Variants in CELF2 observed in about 807,000 individuals in gnomAD.
CELF2 encodes the protein CUGBP Elav-like family member 2.
A neutral mutation model predicts 62.6 loss-of-function variants in CELF2; 8 were observed. The ratio of observed to expected loss-of-function variants is 0.13; its 90% confidence interval spans 0.07 to 0.23. CELF2 has a LOEUF of 0.23. CELF2 is among the 10% of genes least tolerant of loss of function. CELF2 has a pLI of 1.00. For missense variants in CELF2, 333 were observed against 671.0 expected, an observed-to-expected ratio of 0.50 and a Z score of 5.56; for synonymous variants, 258 against 250.0, an observed-to-expected ratio of 1.03 and a Z score of -0.30.
At position 11,195,303 on chromosome 10, in the gene CELF2, A is replaced by G. The variant is rs75175448; in HGVS notation, c.272-22122A>G. Among the ~76,000 whole-genome samples, 1,128 of 152,366 alleles carry G rather than the reference A, an allele frequency of 7.4e-3. 14 individuals carry two copies. The highest frequency in any genetic ancestry group is 0.026 in the African/African-American group (1,069 of 41,586). ...TCTGCACCAAGGAGAACAGAAACAC[A>G]GCAGGCACCAAGAGGAGGTTTAGTG... is the stretch of plus-strand genomic sequence containing the variant. On this transcript the variant is annotated intron_variant, in intron 2 of 12. Transcript: ENST00000633077.
chr10:10,664,536 G>C, the CELF2 span, among the ~76,000 whole-genome samples: 1 of 152,148 alleles, frequency 6.6e-6, no homozygotes, highest in Non-Finnish European at 1.5e-5. Context: ...AAAGAGAAAA[G>C]GTGAAAGTAG....
Position 11,314,054 on chromosome 10 carries a change from T to G in CELF2, c.977-85T>G, listed in dbSNP as rs2140544541. On this transcript the variant is annotated intron_variant, in intron 9 of 12. Transcript: ENST00000633077. This position sits in a 1 kb window ranked among gnomAD's most constrained non-coding sequence, Gnocchi z 5.3. ...AGCACAGCTCCTCAGCTCCGTCCAC[T>G]GAGATGATGACAGAAGGATTTCCAG... 3.5e-5 allele frequency: 48 copies of G among 1,366,192 alleles called. No individual in the cohort carries two copies. Among genetic ancestry groups the G allele is most frequent in the Middle Eastern group, 2.6e-4 (1 of 3,826 alleles). The allele number at this position is 1,366,192 out of a possible 1,614,324, so 84.6% of individuals were successfully genotyped here.
chr10:10,657,936 A>ACTT, the CELF2 span, among the ~76,000 whole-genome samples: 1 of 152,206 alleles, frequency 6.6e-6, no homozygotes, highest in Non-Finnish European at 1.5e-5. Context: ...CCTGTTATTA[A>ACTT]CTTTTACTTT....
chr10:11,262,740 AG>A (rs1277756454), intron 5 of CELF2, among the ~76,000 whole-genome samples: 3 of 152,196 alleles, frequency 2.0e-5, no homozygotes, highest in African/African-American at 7.2e-5. Flanking sequence ...AAAAGATACA[AG>A]GAAGATTGAC....
At chr10:10,775,908 C>T in the CELF2 span, among the ~76,000 whole-genome samples, 19 of 152,218 alleles carry the variant, frequency 1.2e-4, no homozygotes, top group Non-Finnish European at 2.5e-4. Flanking sequence ...GTCCTAGTTT[C>T]TTACAAATCC....
chr10:10,730,772 GCA>G, the CELF2 span, among the ~76,000 whole-genome samples: 4 of 152,164 alleles, frequency 2.6e-5, no homozygotes, highest in South Asian at 6.2e-4. Context: ...GTGAAGGGAA[GCA>G]CCCAGGTCAC....
chr10:10,659,412 T>C, the CELF2 span, among the ~76,000 whole-genome samples: 7 of 152,340 alleles, frequency 4.6e-5, no homozygotes, highest in South Asian at 1.0e-3. Flanking sequence ...ATGAGTGTCA[T>C]GTAGGTTATT....
At chr10:11,126,315 C>T (rs773743819) in intron 1 of CELF2, among the ~76,000 whole-genome samples, 1 of 152,188 alleles carries the variant, frequency 6.6e-6, no homozygotes, top group Non-Finnish European at 1.5e-5. Context: ...CATGTCTACT[C>T]ACATTTCAGG....
intron 11 of CELF2, among the ~76,000 whole-genome samples, chr10:11,325,484 C>T (rs10905930): frequency 0.43 from 64,936 of 152,050 alleles, 14,089 homozygotes; most frequent in Middle Eastern, 0.5. Flanking sequence ...TGAGAAAATA[C>T]GGCCACCCAA....
the CELF2 span, among the ~76,000 whole-genome samples, chr10:10,764,259 A>C: frequency 1.3e-5 from 2 of 152,246 alleles, no homozygotes; most frequent in African/African-American, 4.8e-5. Context: ...TGTCCTTTAA[A>C]AATTTCCAAT....
chr10:11,257,672 T>C lies in CELF2; in HGVS notation c.404-66T>C. On this transcript the variant is annotated intron_variant, in intron 4 of 12. Transcript: ENST00000633077. ...GCTGGGGCCTGGTTTGATGGGGTAA[T>C]GAAGCATTGATTACAAGAAAAAAAG... The C allele has an allele frequency of 2.5e-6, 4 of 1,573,028 alleles. No homozygotes were observed. In the South Asian group the frequency reaches 4.6e-5, roughly 18 times the overall value.
chr10:11,002,268 GA>G (rs1003242060), upstream of CELF2, among the ~76,000 whole-genome samples: 2 of 152,170 alleles, frequency 1.3e-5, no homozygotes, highest in African/African-American at 4.8e-5. The surrounding 1 kb of genome is among the most constrained non-coding windows in gnomAD (Gnocchi z 4.4). Flanking sequence ...ACAGAATGGG[GA>G]AAACCGCCCC....
the CELF2 span, among the ~76,000 whole-genome samples, chr10:10,537,858 CAG>C: frequency 6.6e-6 from 1 of 152,086 alleles, no homozygotes; most frequent in Non-Finnish European, 1.5e-5. Context: ...AGGGAAAAGA[CAG>C]ACCTGACAGA....
At chr10:10,671,324 T>C in the CELF2 span, among the ~76,000 whole-genome samples, 16 of 152,196 alleles carry the variant, frequency 1.1e-4, no homozygotes, top group African/African-American at 3.9e-4. Flanking sequence ...TCTCACAGTT[T>C]ATTTATCCAT....
intron 2 of CELF2, among the ~76,000 whole-genome samples, chr10:11,181,146 A>G (rs904873902): frequency 6.6e-6 from 1 of 152,236 alleles, no homozygotes; most frequent in African/African-American, 2.4e-5. Context: ...CTGGGATTAC[A>G]GGGGTAAGCC....
In CELF2 at chr10:11,217,863, A is replaced by G. The variant is rs2063741461; in HGVS notation, c.354+356A>G. The stretch of plus-strand genomic sequence containing the variant: ...AATGGAAAAGAAAAAGCTTTTATTC[A>G]CCAGGAGCTCCTTTTCAAATTTTGT... On this transcript the variant is annotated intron_variant, in intron 3 of 12. Coordinates refer to ENST00000633077, the MANE Select transcript of CELF2 (RefSeq NM_001326342.2). The surrounding 1 kb of genome is among the most constrained non-coding windows in gnomAD (Gnocchi z 5.6). 6.6e-6 allele frequency among the ~76,000 whole-genome samples: 1 copy of G among 152,222 alleles called. No individual in the cohort carries two copies. Among genetic ancestry groups the G allele is most frequent in the Non-Finnish European group, 1.5e-5 (1 of 68,036 alleles).
At chr10:10,804,198 G>A (rs999024712) in intron 1 of CELF2, among the ~76,000 whole-genome samples, 1 of 152,214 alleles carries the variant, frequency 6.6e-6, no homozygotes, top group Non-Finnish European at 1.5e-5. Flanking sequence ...GCCAGATGAT[G>A]AATATTTCAG....
At chr10:10,489,726 G>T in the CELF2 span, among the ~76,000 whole-genome samples, 2 of 152,076 alleles carry the variant, frequency 1.3e-5, no homozygotes, top group Non-Finnish European at 2.9e-5. Context: ...AGTGATGTGT[G>T]CTAATATATC....
intron 1 of CELF2, among the ~76,000 whole-genome samples, chr10:10,879,201 C>T (rs1479909548): frequency 2.0e-5 from 3 of 152,192 alleles, no homozygotes; most frequent in African/African-American, 4.8e-5. Context: ...TTTCATAACA[C>T]ATTTAAACAA....
Sources: gnomAD v4.1 joint callset for allele counts (sites outside exome capture counted in the v4.1 genomes callset) on GRCh38, gnomAD v4.1.1 for gene constraint, Gnocchi (gnomAD v3.1) non-coding constraint, MANE v1.5 for transcripts, NCBI Gene and HGNC (gene_info 2026-07-23, HGNC 2026-07-21) for gene names.